Variants in MEIG1 observed in about 807,000 individuals in gnomAD.
The protein encoded by MEIG1 is meiosis expressed gene 1 protein homolog.
In MEIG1, 12 loss-of-function variants were observed where a neutral mutation model predicts 11.3. That is an observed-to-expected ratio of 1.07 (90% CI 0.68 to 1.73). The LOEUF is 1.73. Among genes scored for constraint, MEIG1 ranks in the 40% most tolerant of loss-of-function variants. The pLI is 0.00. For missense variants in MEIG1, 119 were observed against 104.9 expected, an observed-to-expected ratio of 1.13 and a Z score of -0.59; for synonymous variants, 41 against 33.2, an observed-to-expected ratio of 1.24 and a Z score of -0.81.
At chr10:14,985,125 C>G (rs141701388) in intron 1 of MEIG1, among the ~76,000 whole-genome samples, 163 of 151,986 alleles carry the variant, frequency 1.1e-3, no homozygotes, top group African/African-American at 3.8e-3. Context: ...TAATGTCACA[C>G]GGGGTGTACA....
chr10:14,959,384 C>T (rs1237921560), upstream of MEIG1: 1 of 152,316 alleles, frequency 6.6e-6, no homozygotes, highest in Non-Finnish European at 1.5e-5. Flanking sequence ...AGCTTCATCG[C>T]GTTACTAAGA....
intron 1 of MEIG1, among the ~76,000 whole-genome samples, chr10:14,984,204 G>A (rs112317344): frequency 6.7e-6 from 1 of 150,370 alleles, no homozygotes; most frequent in African/African-American, 2.5e-5. Context: ...TCCCCGCATC[G>A]TGGGGGGAGC....
At chr10:14,974,958 A>C (rs181756365), downstream of MEIG1, among the ~76,000 whole-genome samples, 1 of 152,158 alleles carries the variant, frequency 6.6e-6, no homozygotes, top group South Asian at 2.1e-4. Context: ...GTGGGTGTAC[A>C]CCCACCTGTG....
chr10:14,964,776 G>A (rs1054529931), intron 1 of MEIG1, among the ~76,000 whole-genome samples: 5 of 123,718 alleles, frequency 4.0e-5, no homozygotes, highest in Admixed American at 3.8e-4. Context: ...CTGCTACCAC[G>A]CCCAGTTCAT....
chr10:14,977,580 G>A (rs918914037), downstream of MEIG1, among the ~76,000 whole-genome samples: 18 of 151,698 alleles, frequency 1.2e-4, no homozygotes, highest in African/African-American at 3.9e-4. Context: ...CCCAGTGGGT[G>A]TACACACATG....
chr10:14,959,121 AAC>A (rs1474825607), upstream of MEIG1, among the ~76,000 whole-genome samples: 1 of 152,186 alleles, frequency 6.6e-6, no homozygotes, highest in Non-Finnish European at 1.5e-5. Context: ...AGGAACTACA[AAC>A]ACAGTCTCCG....
At chr10:14,963,027 G>C (rs944620176) in intron 1 of MEIG1, among the ~76,000 whole-genome samples, 1 of 148,760 alleles carries the variant, frequency 6.7e-6, no homozygotes, top group Admixed American at 6.9e-5. Flanking sequence ...CTCCCAGAGT[G>C]CTGGGATTAC....
intron 1 of MEIG1, among the ~76,000 whole-genome samples, chr10:14,961,493 T>C (rs921245388): frequency 1.3e-5 from 2 of 152,070 alleles, no homozygotes; most frequent in Admixed American, 1.3e-4. Flanking sequence ...TTTTTTGAGA[T>C]GGTGTCTTGC....
chr10:14,970,800 G>A (rs1843139860), intron 2 of MEIG1, among the ~76,000 whole-genome samples: 1 of 152,210 alleles, frequency 6.6e-6, no homozygotes, highest in Admixed American at 6.5e-5. Flanking sequence ...CAGAAAAGGT[G>A]CAGGACTACC....
chr10:14,959,089 T>C (rs1452386820), upstream of MEIG1, among the ~76,000 whole-genome samples: 1 of 152,158 alleles, frequency 6.6e-6, no homozygotes, highest in East Asian at 1.9e-4. Flanking sequence ...CGCAAATGAA[T>C]AGATAGGAGA....
chr10:14,963,163 C>A (rs1843035452), intron 1 of MEIG1, among the ~76,000 whole-genome samples: 1 of 151,830 alleles, frequency 6.6e-6, no homozygotes, highest in Non-Finnish European at 1.5e-5. Context: ...ATGGCACGAT[C>A]TTGGCTCACT....
At chr10:14,975,504 G>A (rs1843200308), downstream of MEIG1, among the ~76,000 whole-genome samples, 1 of 151,996 alleles carries the variant, frequency 6.6e-6, no homozygotes, top group Non-Finnish European at 1.5e-5. Context: ...ACAAACCCGT[G>A]TACTATTGTT....
At chr10:14,961,638 A>ATGTTTTTTTTTTTTTT (rs1843013906) in intron 1 of MEIG1, among the ~76,000 whole-genome samples, 1 of 76,594 alleles carries the variant, frequency 1.3e-5, no homozygotes, top group African/African-American at 4.6e-5. Flanking sequence ...CATCCGGCTA[A>ATGTTTTTTTTTTTTTT]TTTTTTTTTT....
upstream of MEIG1, chr10:14,959,336 C>G (rs1449227946): frequency 6.6e-6 from 1 of 152,370 alleles, no homozygotes; most frequent in African/African-American, 2.4e-5. Flanking sequence ...GGGGCCTGAG[C>G]TAGCTGGGCG....
At chr10:14,974,281 C>T (rs919152225), downstream of MEIG1, among the ~76,000 whole-genome samples, 47 of 152,292 alleles carry the variant, frequency 3.1e-4, no homozygotes, top group African/African-American at 1.1e-3. Context: ...GGAGCCCTCT[C>T]CGCCTTTCAT....
At chr10:14,977,805 T>C (rs181889941), downstream of MEIG1, among the ~76,000 whole-genome samples, 13 of 152,048 alleles carry the variant, frequency 8.5e-5, no homozygotes, top group African/African-American at 2.9e-4. Flanking sequence ...GTGTACACCA[T>C]GTGTGTACAC....
chr10:14,978,451 G>T (rs61844668), intron 1 of MEIG1, among the ~76,000 whole-genome samples: 2 of 151,776 alleles, frequency 1.3e-5, no homozygotes, highest in Non-Finnish European at 1.5e-5. Context: ...GATATTATTC[G>T]TAATACTCTA....
At chr10:14,974,395 G>A (rs6602779), downstream of MEIG1, among the ~76,000 whole-genome samples, 6,205 of 152,152 alleles carry the variant, frequency 0.041, 408 homozygotes, top group African/African-American at 0.14. Flanking sequence ...GTGGCTTTTC[G>A]GTAGAGGGCG....
intron 2 of MEIG1, among the ~76,000 whole-genome samples, chr10:14,967,259 C>T (rs1458913629): frequency 6.6e-6 from 1 of 151,942 alleles, no homozygotes; most frequent in East Asian, 1.9e-4. Context: ...CTATTATTTC[C>T]CTCCTGTTAC....
Sources: gnomAD v4.1 joint callset for allele counts (sites outside exome capture counted in the v4.1 genomes callset) on GRCh38, gnomAD v4.1.1 for gene constraint, MANE v1.5 for transcripts, NCBI Gene and HGNC (gene_info 2026-07-23, HGNC 2026-07-21) for gene names.